The following NRG3 variants were observed in gnomAD, a reference collection of about 807,000 sequenced individuals.
NRG3 encodes neuregulin 3.
NRG3 carries 31 observed loss-of-function variants against 66.9 expected under a neutral mutation model. The observed-to-expected ratio is 0.46, with a 90% CI of 0.35 to 0.63. The LOEUF (loss-of-function observed/expected upper bound fraction) is 0.63. Among genes scored for constraint, NRG3 ranks in the 20% least tolerant of loss-of-function variants. NRG3 has a pLI of 0.00. For missense variants in NRG3, 910 were observed against 878.9 expected (o/e 1.04, Z -0.45); for synonymous variants, 393 against 359.4 (o/e 1.09, Z -1.06).
chr10:82,227,217 C>T (rs1231176317), intron 1 of NRG3, among the ~76,000 whole-genome samples: 1 of 152,116 alleles, frequency 6.6e-6, no homozygotes, highest in African/African-American at 2.4e-5. Flanking sequence ...TTCATCATCA[C>T]TGCTGCTTTT....
chr10:81,940,359 GT>G (rs1848299739), intron 1 of NRG3, among the ~76,000 whole-genome samples: 1 of 151,520 alleles, frequency 6.6e-6, no homozygotes, highest in Admixed American at 6.6e-5. Context: ...TGTCTTTTTT[GT>G]TTTTTAGAGT....
At chr10:82,070,496 A>C (rs1411757978) in intron 1 of NRG3, among the ~76,000 whole-genome samples, 1 of 152,198 alleles carries the variant, frequency 6.6e-6, no homozygotes, top group African/African-American at 2.4e-5. Flanking sequence ...CAAAAACTGT[A>C]ACAGAAAATA....
chr10:82,050,492 A>G (rs1350555761), intron 1 of NRG3, among the ~76,000 whole-genome samples: 1 of 151,834 alleles, frequency 6.6e-6, no homozygotes, highest in Admixed American at 6.6e-5. Flanking sequence ...TCTCATTGGT[A>G]TGGGATTTGT....
intron 1 of NRG3, among the ~76,000 whole-genome samples, chr10:82,228,433 T>C (rs750285894): frequency 1.3e-5 from 2 of 152,128 alleles, no homozygotes; most frequent in Non-Finnish European, 2.9e-5. Context: ...GGAATAAAAC[T>C]TAACCTAGAA....
chr10:81,937,488 C>T (rs1352518013), intron 1 of NRG3, among the ~76,000 whole-genome samples: 1 of 151,902 alleles, frequency 6.6e-6, no homozygotes, highest in East Asian at 1.9e-4. Flanking sequence ...TTTTGATTTG[C>T]ATTTCTCTAA....
At chr10:82,324,288 C>T (rs2081744525) in intron 1 of NRG3, among the ~76,000 whole-genome samples, 1 of 152,084 alleles carries the variant, frequency 6.6e-6, no homozygotes, top group South Asian at 2.1e-4. Context: ...TTTCTGTTAT[C>T]GATAATTTGT....
intron 2 of NRG3, among the ~76,000 whole-genome samples, chr10:82,640,844 C>A (rs780129037): frequency 1.3e-5 from 2 of 151,796 alleles, no homozygotes; most frequent in African/African-American, 2.4e-5. Context: ...TGAAATAATG[C>A]CTCATAGGCC....
chr10:82,014,915 T>C (rs1447673202), intron 1 of NRG3, among the ~76,000 whole-genome samples: 1 of 152,148 alleles, frequency 6.6e-6, no homozygotes, highest in Non-Finnish European at 1.5e-5. Flanking sequence ...GATTTCCCAT[T>C]CTACAATGGG....
At chr10:82,003,966 G>GCT (rs2133704801) in intron 1 of NRG3, among the ~76,000 whole-genome samples, 1 of 148,426 alleles carries the variant, frequency 6.7e-6, no homozygotes, top group East Asian at 2.0e-4. Flanking sequence ...CAGCCTGGGT[G>GCT]CTGTAAGGAT....
At chr10:82,481,662 T>A (rs1842280037) in intron 2 of NRG3, among the ~76,000 whole-genome samples, 1 of 152,232 alleles carries the variant, frequency 6.6e-6, no homozygotes, top group South Asian at 2.1e-4. Flanking sequence ...TATTACTGTA[T>A]GTAGTTGAAA....
chr10:82,762,629 A>G (rs1254005390), intron 3 of NRG3, among the ~76,000 whole-genome samples: 4 of 152,288 alleles, frequency 2.6e-5, no homozygotes, highest in East Asian at 1.9e-4. Context: ...GTCTGTGTAT[A>G]CTTGATTCTA....
rs569387929 is a variant in NRG3, at chr10:82,584,107, G to A, written c.954-154470G>A. On this transcript the variant is annotated intron_variant, in intron 2 of 8. Coordinates refer to ENST00000372141, the MANE Select transcript of NRG3 (RefSeq NM_001010848.4). The stretch of plus-strand genomic sequence containing the variant: ...TCATTTGAATTTATTTATTTTTTGA[G>A]ATGGTGTCTTGCTCTGTTGCCCAGG... Among the ~76,000 whole-genome samples, 3 of 152,232 alleles carry A rather than the reference G, an allele frequency of 2.0e-5. No homozygotes were observed. The South Asian group carries it at 6.2e-4, about 32-fold the overall frequency.
At chr10:82,837,578 C>T (rs184962516) in intron 3 of NRG3, among the ~76,000 whole-genome samples, 21 of 151,980 alleles carry the variant, frequency 1.4e-4, no homozygotes, top group South Asian at 2.1e-4. Flanking sequence ...TATTTGGACG[C>T]GAATCATGAT....
At chr10:82,029,924 T>C (rs1043455398) in intron 1 of NRG3, among the ~76,000 whole-genome samples, 3 of 152,124 alleles carry the variant, frequency 2.0e-5, no homozygotes, top group African/African-American at 7.2e-5. Flanking sequence ...TAGGGAATAA[T>C]AGAATCACCT....
chr10:82,540,576 A>G (rs1240785603), intron 2 of NRG3, among the ~76,000 whole-genome samples: 1 of 151,824 alleles, frequency 6.6e-6, no homozygotes, highest in South Asian at 2.1e-4. Flanking sequence ...TGCAGCCTGG[A>G]GTGTTGGAGC....
intron 3 of NRG3, among the ~76,000 whole-genome samples, chr10:82,780,253 G>C (rs1360338727): frequency 6.6e-6 from 1 of 151,912 alleles, no homozygotes; most frequent in Non-Finnish European, 1.5e-5. Flanking sequence ...GGGATTGCTG[G>C]GTTAAATAGT....
chr10:82,268,056 T>C (rs1184613173), intron 1 of NRG3, among the ~76,000 whole-genome samples: 1 of 152,210 alleles, frequency 6.6e-6, no homozygotes, highest in Non-Finnish European at 1.5e-5. Flanking sequence ...TTTTTTAAGC[T>C]CTTCCTCTTA....
intron 1 of NRG3, among the ~76,000 whole-genome samples, chr10:82,084,569 C>T (rs1359498853): frequency 6.7e-6 from 1 of 149,644 alleles, no homozygotes; most frequent in African/African-American, 2.5e-5. Flanking sequence ...ATCCTTCATG[C>T]TTCTGTTGCA....
intron 2 of NRG3, among the ~76,000 whole-genome samples, chr10:82,608,133 G>A (rs1373349876): frequency 1.3e-5 from 2 of 152,118 alleles, no homozygotes; most frequent in Non-Finnish European, 2.9e-5. Flanking sequence ...TTCAGTTTTT[G>A]TTTGTCTAAG....
Sources: gnomAD v4.1 joint callset for allele counts (sites outside exome capture counted in the v4.1 genomes callset) on GRCh38, gnomAD v4.1.1 for gene constraint, MANE v1.5 for transcripts, NCBI Gene and HGNC (gene_info 2026-07-23, HGNC 2026-07-21) for gene names.